Variants in FOXJ3 observed in about 807,000 individuals in gnomAD.
FOXJ3 encodes forkhead box J3, also known as forkhead box protein J3.
FOXJ3 carries 22 observed loss-of-function variants against 76.1 expected under a neutral mutation model. The observed-to-expected ratio is 0.29, with a 90% confidence interval of 0.21 to 0.41. The LOEUF is 0.41. FOXJ3 is among the 10% of genes least tolerant of loss of function. The probability of loss-of-function intolerance (pLI) is 1.00; values close to 1 mark genes in which losing one functional copy is unlikely to be tolerated. For synonymous variants in FOXJ3, 269 were observed against 261.2 expected (o/e 1.03, Z -0.29); for missense variants, 613 against 762.1 (o/e 0.80, Z 2.30).
At chr1:42,281,010 G>C (rs750713472) in intron 2 of FOXJ3, among the ~76,000 whole-genome samples, 1 of 152,092 alleles carries the variant, frequency 6.6e-6, no homozygotes, top group Non-Finnish European at 1.5e-5. Flanking sequence ...TCATACAAAA[G>C]CATATTACAA....
At chr1:42,259,050 T>C (rs540693211) in intron 4 of FOXJ3, among the ~76,000 whole-genome samples, 1 of 152,278 alleles carries the variant, frequency 6.6e-6, no homozygotes, top group African/African-American at 2.4e-5. Context: ...ATCCGTGTGA[T>C]GGAATATATG....
chr1:42,249,616 C>G (rs1649852486), intron 4 of FOXJ3, among the ~76,000 whole-genome samples: 1 of 152,170 alleles, frequency 6.6e-6, no homozygotes. Context: ...GAGAATAGAA[C>G]AGCGACTTCT....
chr1:42,194,805 A>T, intron 8 of FOXJ3, 85 bp downstream of exon 8: 1 of 810,446 alleles, frequency 1.2e-6, no homozygotes, highest in South Asian at 1.9e-5. Context: ...TCTAAGATTA[A>T]GAGTATAACA....
chr1:42,334,540 C>G (rs1656352523), intron 1 of FOXJ3, among the ~76,000 whole-genome samples: 1 of 152,172 alleles, frequency 6.6e-6, no homozygotes, highest in Non-Finnish European at 1.5e-5. Flanking sequence ...ACAGGATGGG[C>G]GGGAACGCAA....
intron 4 of FOXJ3, among the ~76,000 whole-genome samples, chr1:42,260,427 G>T (rs906766180): frequency 5.9e-5 from 9 of 152,130 alleles, no homozygotes; most frequent in Admixed American, 2.0e-4. Context: ...TTTGTGAGAC[G>T]TGGTGGCTCA....
Position 42,213,300 on chromosome 1 carries a change from AAAT to A in FOXJ3, c.529-7440_529-7438del, listed in dbSNP as rs909505814. Among the ~76,000 whole-genome samples, 33 of 152,314 alleles carry A rather than the reference AAAT, an allele frequency of 2.2e-4. No homozygotes were observed. The Middle Eastern group carries it at 0.01, about 47-fold the overall frequency. ...TACACTGGCTGAATGGATTTAAAAA[AAAT>A]CACAAACCAAGTATCTGCTGTCTTC... On this transcript the variant is annotated intron_variant, in intron 5 of 12. Transcript: ENST00000361346.
At chr1:42,185,856 C>T (rs1162511520) in intron 11 of FOXJ3, among the ~76,000 whole-genome samples, 1 of 152,090 alleles carries the variant, frequency 6.6e-6, no homozygotes, top group African/African-American at 2.4e-5. Context: ...CCACTAATTT[C>T]TGGAGTCTAC....
intron 1 of FOXJ3, 108 bp downstream of exon 1, chr1:42,334,951 G>C (rs1035649248): frequency 5.3e-5 from 8 of 152,356 alleles, no homozygotes; most frequent in African/African-American, 1.4e-4. Flanking sequence ...GGCTGGAAGA[G>C]AGAGGGCGTC....
chr1:42,203,535 A>T (rs1646802297), intron 6 of FOXJ3, among the ~76,000 whole-genome samples: 1 of 152,192 alleles, frequency 6.6e-6, no homozygotes, highest in African/African-American at 2.4e-5. Context: ...TTGAAAGCCT[A>T]GGGTGTATTA....
rs1650415471 is a variant in FOXJ3 at position 42,254,610 on chromosome 1, A to G, written c.444+10505T>C. Among the ~76,000 whole-genome samples the G allele has an allele frequency of 2.0e-5, 3 of 146,974 alleles. No individual in the cohort carries two copies. In the Admixed American group the frequency reaches 2.1e-4, roughly 10 times the overall value. On this transcript the variant is annotated intron_variant, in intron 4 of 12. Coordinates refer to ENST00000361346, the MANE Select transcript of FOXJ3 (RefSeq NM_014947.5). ...ACTGGATTAAGAAAATGTGGCACAT[A>G]TACACCATGGAATACTATGCAGCCA... is the stretch of plus-strand genomic sequence containing the variant.
At chr1:42,218,188 AG>A (rs961403436) in intron 5 of FOXJ3, among the ~76,000 whole-genome samples, 2 of 152,180 alleles carry the variant, frequency 1.3e-5, no homozygotes, top group African/African-American at 2.4e-5. Context: ...CACCTCAGAG[AG>A]GGAAGGCACA....
rs1036266223 is a variant in FOXJ3 at position 42,177,026 on chromosome 1, C to A, written c.*2684G>T. 13 of 152,674 alleles carry A rather than the reference C, an allele frequency of 8.5e-5. No homozygotes were observed. The highest frequency in any genetic ancestry group is 2.7e-4 in the African/African-American group (11 of 41,462). The allele number at this position is 152,674 out of a possible 1,614,324, so 9.5% of individuals were successfully genotyped here. A position where few individuals can be genotyped will look rare whatever the true frequency, so the allele number is the denominator to read the frequency against. Reference sequence around the variant, plus strand: ...GTCCCCATTTGTTTACATGCATTTACTATTCTTTCCCCCTAAAGTCTTCAG... The same window carrying A: ...GTCCCCATTTGTTTACATGCATTTAATATTCTTTCCCCCTAAAGTCTTCAG... On this transcript the variant is annotated 3_prime_UTR_variant, in exon 13 of 13. Coordinates refer to ENST00000361346, the MANE Select transcript of FOXJ3 (RefSeq NM_014947.5).
At chr1:42,297,646 G>C (rs1653873204) in intron 2 of FOXJ3, among the ~76,000 whole-genome samples, 1 of 152,104 alleles carries the variant, frequency 6.6e-6, no homozygotes, top group Non-Finnish European at 1.5e-5. Flanking sequence ...TTTTTGATGT[G>C]CTGTCGGATT....
At chr1:42,227,772 A>G (rs1647690765) in intron 5 of FOXJ3, 111 bp downstream of exon 5, 1 of 511,318 alleles carries the variant, frequency 2.0e-6, no homozygotes, top group African/African-American at 1.9e-5. Context: ...TACACAAATA[A>G]AATCTTACCA....
rs193017118 is a variant in FOXJ3, at chr1:42,215,986, C to G, written c.529-10123G>C. 1.1e-4 allele frequency among the ~76,000 whole-genome samples: 16 copies of G among 151,736 alleles called. No homozygotes were observed. In the East Asian group the frequency reaches 2.7e-3, roughly 26 times the overall value. On this transcript the variant is annotated intron_variant, in intron 5 of 12. Coordinates refer to ENST00000361346, the MANE Select transcript of FOXJ3 (RefSeq NM_014947.5). ...GGTCAACATAGTGAGACACCCATCT[C>G]TAAGGGGGAAAAAATTTATATAACA...
intron 4 of FOXJ3, among the ~76,000 whole-genome samples, chr1:42,236,382 G>C (rs1648629902): frequency 6.6e-6 from 1 of 152,126 alleles, no homozygotes; most frequent in Non-Finnish European, 1.5e-5. Flanking sequence ...TTTTTGTAGA[G>C]ACAGGGTCTT....
intron 6 of FOXJ3, 147 bp downstream of exon 6, chr1:42,205,615 G>C (rs1646846087): frequency 1.7e-6 from 1 of 601,924 alleles, no homozygotes; most frequent in South Asian, 2.2e-5. Context: ...AAAACATTCT[G>C]AATTTAGCCT....
chr1:42,194,816 G>C lies in FOXJ3; in HGVS notation c.934+74C>G, dbSNP rs1646619486. The C allele has an allele frequency of 3.3e-6, 3 of 912,204 alleles. No homozygotes were observed. In the East Asian group the frequency reaches 7.4e-5, roughly 22 times the overall value. The allele number at this position is 912,204 out of a possible 1,614,324, so 56.5% of individuals were successfully genotyped here. On this transcript the variant is annotated intron_variant, in intron 8 of 12. Transcript: ENST00000361346. ...ATATTCTAAGATTAAGAGTATAACA[G>C]CTGCCATGTGAAATAATTTAAAAAC...
intron 4 of FOXJ3, among the ~76,000 whole-genome samples, chr1:42,234,332 GCC>G (rs1648407155): frequency 1.3e-5 from 2 of 152,002 alleles, no homozygotes; most frequent in Admixed American, 6.5e-5. Context: ...TAACTTCTTT[GCC>G]ATGGGTTCGA....
Sources: allele counts gnomAD v4.1 joint callset (sites outside exome capture counted in the v4.1 genomes callset), GRCh38; gene constraint gnomAD v4.1.1; transcripts MANE v1.5; gene names NCBI Gene and HGNC (gene_info 2026-07-23, HGNC 2026-07-21).